CCDC102B: variants seen among roughly 807,000 people sequenced by gnomAD.
CCDC102B encodes the protein coiled-coil domain-containing protein 102B.
CCDC102B carries 75 observed loss-of-function variants against 57.4 expected under a neutral mutation model. That is an observed-to-expected ratio of 1.31 (90% confidence interval 1.08 to 1.58). The LOEUF is 1.58. Among genes scored for constraint, CCDC102B ranks in the 40% most tolerant of loss-of-function variants. The pLI, the probability that CCDC102B is intolerant of heterozygous loss-of-function variation, is 0.00. For missense variants in CCDC102B, 636 were observed against 582.6 expected (o/e 1.09, Z -0.94); for synonymous variants, 206 against 201.9 (o/e 1.02, Z -0.17).
At chr18:68,744,584 A>G (rs142993952) in intron 2 of CCDC102B, among the ~76,000 whole-genome samples, 12 of 152,276 alleles carry the variant, frequency 7.9e-5, no homozygotes, top group African/African-American at 2.9e-4. Context: ...CACCTGGTGT[A>G]GTAACCTTTA....
chr18:68,872,885 T>C (rs1268565758), intron 4 of CCDC102B, among the ~76,000 whole-genome samples: 1 of 152,164 alleles, frequency 6.6e-6, no homozygotes, highest in Non-Finnish European at 1.5e-5. Context: ...GTGGGTTTCC[T>C]TTGCTGCTGT....
At chr18:69,048,234 C>T (rs2052615475) in intron 7 of CCDC102B, among the ~76,000 whole-genome samples, 1 of 150,302 alleles carries the variant, frequency 6.7e-6, no homozygotes, top group African/African-American at 2.4e-5. Context: ...TTTTTTTTTC[C>T]CAAGTAGGTA....
At chr18:68,832,656 C>T (rs2037195830) in intron 1 of CCDC102B, among the ~76,000 whole-genome samples, 1 of 133,630 alleles carries the variant, frequency 7.5e-6, no homozygotes, top group South Asian at 3.0e-4. Flanking sequence ...GTGTCCTCTC[C>T]CTTGGATACC....
chr18:68,829,908 A>G (rs559454840), intron 1 of CCDC102B, among the ~76,000 whole-genome samples: 2 of 152,086 alleles, frequency 1.3e-5, no homozygotes, highest in East Asian at 3.9e-4. Context: ...AAATAAATAG[A>G]TTTTAAATGT....
intron 6 of CCDC102B, among the ~76,000 whole-genome samples, chr18:68,927,985 G>A (rs1296797398): frequency 6.6e-6 from 1 of 151,868 alleles, no homozygotes; most frequent in East Asian, 1.9e-4. Context: ...CAGACACTGG[G>A]CAGTTAGATG....
intron 1 of CCDC102B, among the ~76,000 whole-genome samples, chr18:68,826,786 G>A (rs775617730): frequency 1.1e-4 from 16 of 152,084 alleles, no homozygotes; most frequent in South Asian, 2.1e-4. Flanking sequence ...AGTCATGACC[G>A]TAATCTCTCT....
intron 1 of CCDC102B, among the ~76,000 whole-genome samples, chr18:68,822,933 T>G (rs2036751782): frequency 6.6e-6 from 1 of 152,202 alleles, no homozygotes; most frequent in Admixed American, 6.5e-5. Context: ...CTCACCTCTC[T>G]ATGCCTAAGT....
chr18:68,937,850 A>G (rs1031791584), intron 6 of CCDC102B, among the ~76,000 whole-genome samples: 9 of 151,582 alleles, frequency 5.9e-5, no homozygotes, highest in African/African-American at 1.7e-4. Flanking sequence ...GAGTGAGAGC[A>G]TGCGATGTTT....
intron 6 of CCDC102B, among the ~76,000 whole-genome samples, chr18:68,911,768 A>AAAAAAAAG: frequency 6.9e-6 from 1 of 144,126 alleles, no homozygotes; most frequent in South Asian, 2.2e-4. Flanking sequence ...AAAAAAAAAA[A>AAAAAAAAG]AAAAAAAGAT....
At chr18:69,053,879 T>C in intron 7 of CCDC102B, 151 bp from the exon 8 acceptor site, 1 of 582,208 alleles carries the variant, frequency 1.7e-6, no homozygotes, top group Non-Finnish European at 2.9e-6. Flanking sequence ...ATATGTACTA[T>C]TTCAAATACT....
chr18:68,936,885 A>G (rs572098209), intron 6 of CCDC102B, among the ~76,000 whole-genome samples: 2 of 151,652 alleles, frequency 1.3e-5, no homozygotes, highest in South Asian at 4.2e-4. Flanking sequence ...CACCCAACAC[A>G]CATATACATA....
intron 6 of CCDC102B, 22 bp from the exon 7 acceptor site, chr18:69,010,912 A>C (rs753567238): frequency 6.5e-7 from 1 of 1,542,590 alleles, no homozygotes; most frequent in Admixed American, 1.9e-5. Context: ...TAAATAATGT[A>C]ATTTTTGTTT....
chr18:68,896,405 G>C (rs906966077), intron 5 of CCDC102B, among the ~76,000 whole-genome samples: 4 of 151,898 alleles, frequency 2.6e-5, no homozygotes, highest in African/African-American at 9.7e-5. Context: ...TCCTCATGTT[G>C]ATATACCATG....
chr18:68,874,544 G>T (rs970404893), intron 4 of CCDC102B, 125 bp from the exon 5 acceptor site: 6 of 589,598 alleles, frequency 1.0e-5, no homozygotes, highest in Admixed American at 2.5e-5. Flanking sequence ...TCAGCAACAA[G>T]CCTGCCAGAA....
rs183145652 is a variant in CCDC102B at position 68,957,733 on chromosome 18, C to A, written c.1264-53201C>A. ...TATGGACATTTTAACAATATTGATT[C>A]TTTCAATCCTTGAACATGAAATATC... On this transcript the variant is annotated intron_variant, in intron 6 of 7. Coordinates refer to ENST00000360242, the MANE Select transcript of CCDC102B (RefSeq NM_024781.3). Among the ~76,000 whole-genome samples the A allele has an allele frequency of 9.2e-5, 14 of 152,086 alleles. No homozygotes were observed. In the East Asian group the frequency reaches 2.5e-3, roughly 27 times the overall value.
chr18:68,978,487 A>G (rs2050495701), intron 6 of CCDC102B, among the ~76,000 whole-genome samples: 1 of 152,050 alleles, frequency 6.6e-6, no homozygotes, highest in African/African-American at 2.4e-5. Context: ...AGGTGTCAAA[A>G]TATATTGATT....
At chr18:68,781,822 A>T (rs1032861839) in intron 2 of CCDC102B, among the ~76,000 whole-genome samples, 4 of 152,106 alleles carry the variant, frequency 2.6e-5, no homozygotes, top group African/African-American at 9.7e-5. Context: ...AATAACATGT[A>T]TTGCTGAGCC....
chr18:68,793,964 C>T (rs367874929), upstream of CCDC102B, among the ~76,000 whole-genome samples: 1 of 152,018 alleles, frequency 6.6e-6, no homozygotes, highest in Non-Finnish European at 1.5e-5. Context: ...TCTGGACCTC[C>T]CAATTAGGTG....
intron 6 of CCDC102B, among the ~76,000 whole-genome samples, chr18:69,002,701 G>GTCAT (rs138445706): frequency 0.015 from 2,271 of 152,146 alleles, 47 homozygotes; most frequent in East Asian, 0.082. Flanking sequence ...CTCTATTAAG[G>GTCAT]TCATTATCTC....
Sources: gnomAD v4.1 joint callset for allele counts (sites outside exome capture counted in the v4.1 genomes callset) on GRCh38, gnomAD v4.1.1 for gene constraint, MANE v1.5 for transcripts, NCBI Gene and HGNC (gene_info 2026-07-23, HGNC 2026-07-21) for gene names.